RBM44: variants seen among roughly 807,000 people sequenced by gnomAD.
The protein encoded by RBM44 is RNA binding motif protein 44, also known as RNA-binding protein 44.
Under a neutral mutation model 105.1 loss-of-function variants are expected in RBM44, and 66 were observed. The observed-to-expected ratio is 0.63, with a 90% CI of 0.52 to 0.77. RBM44 has a LOEUF of 0.77. Ranked by LOEUF, RBM44 falls within the 30% of genes least tolerant of loss-of-function variation. The pLI, the probability that RBM44 is intolerant of heterozygous loss-of-function variation, is 0.00. For missense variants in RBM44, 1,122 were observed against 1,207.8 expected, an observed-to-expected ratio of 0.93 and a Z score of 1.05; for synonymous variants, 365 against 417.6, an observed-to-expected ratio of 0.87 and a Z score of 1.54.
chr2:237,813,464 C>G (rs1021926431), intron 1 of RBM44, 128 bp from the exon 2 acceptor site: 2 of 537,614 alleles, frequency 3.7e-6, no homozygotes, highest in Admixed American at 3.4e-5. Context: ...TTTTAGTGAC[C>G]TAATGCATTG....
chr2:237,817,567 T>C lies in RBM44; in HGVS notation c.648T>C (p.Val216=), dbSNP rs1327525434. ...TKALDISNPE[V]VELGNSGYEV... is the part of the protein sequence containing the mutation. ...CATTAGATATATCTAATCCAGAAGT[T>C]GTTGAATTAGGAAATTCGGGTTATG... The change falls in exon 3 of 16, where the codon GTT becomes GTC. Residue 216 remains valine (V), a synonymous_variant. Coordinates refer to ENST00000316997, the MANE Select transcript of RBM44 (RefSeq NM_001080504.3). 6.2e-7 allele frequency: 1 copy of C among 1,612,436 alleles called. No individual in the cohort carries two copies. Among genetic ancestry groups the C allele is most frequent in the Non-Finnish European group, 8.5e-7 (1 of 1,179,232 alleles).
intron 13 of RBM44, among the ~76,000 whole-genome samples, chr2:237,830,507 T>C (rs747964273): frequency 1.3e-5 from 2 of 152,164 alleles, no homozygotes; most frequent in Non-Finnish European, 1.5e-5. Flanking sequence ...GCTTTTAGTG[T>C]TGAAGCTAAG....
At chr2:237,823,973 T>C (rs1318412330) in intron 9 of RBM44, among the ~76,000 whole-genome samples, 1 of 152,182 alleles carries the variant, frequency 6.6e-6, no homozygotes, top group East Asian at 1.9e-4. Flanking sequence ...ATAAAGATAA[T>C]ATGTCTTTTT....
At chr2:237,823,897 TTGTAA>T (rs1335753296) in intron 9 of RBM44, among the ~76,000 whole-genome samples, 13 of 152,198 alleles carry the variant, frequency 8.5e-5, no homozygotes. Context: ...ATTAATTTAA[TTGTAA>T]TGAAATAAAG....
intron 10 of RBM44, among the ~76,000 whole-genome samples, chr2:237,825,641 G>A (rs998590474): frequency 1.6e-4 from 24 of 152,162 alleles, no homozygotes; most frequent in Admixed American, 2.0e-4. Flanking sequence ...GTGAGCTCAG[G>A]GATTTTTATG....
Position 237,829,235 on chromosome 2 carries a change from T to A in RBM44, c.2619T>A (p.Phe873Leu). The change falls in exon 13 of 16, where the codon TTT becomes TTA. Residue 873 changes from phenylalanine to leucine, a missense_variant. By Grantham distance (22) the Phe-to-Leu change is conservative (BLOSUM62 0). Coordinates refer to ENST00000316997, the MANE Select transcript of RBM44 (RefSeq NM_001080504.3). ...GTTTTAGATATGCATCTCTTGCTTT[T>A]ACAAAAAACAGCGATGCAAAGATAG... The part of the protein sequence containing the change: ...STNYRYASLA[F>L]TKNSDAKIAV... The A allele has an allele frequency of 1.9e-6, 3 of 1,609,978 alleles. No homozygotes were observed. Among genetic ancestry groups the A allele is most frequent in the Non-Finnish European group, 2.5e-6 (3 of 1,178,098 alleles).
chr2:237,814,166 T>C (rs1395090281), intron 2 of RBM44, among the ~76,000 whole-genome samples: 1 of 152,120 alleles, frequency 6.6e-6, no homozygotes, highest in Non-Finnish European at 1.5e-5. Context: ...ATATTCTAGA[T>C]TAAAACAAAA....
At chr2:237,823,158 T>A (rs1363741626) in intron 8 of RBM44, among the ~76,000 whole-genome samples, 1 of 151,914 alleles carries the variant, frequency 6.6e-6, no homozygotes, top group African/African-American at 2.4e-5. Context: ...TTATCTCGAT[T>A]ACTTCTCATG....
intron 13 of RBM44, among the ~76,000 whole-genome samples, chr2:237,830,564 A>G (rs555338541): frequency 2.6e-5 from 4 of 152,226 alleles, no homozygotes; most frequent in South Asian, 2.1e-4. Context: ...GTTAATTTTT[A>G]TATATTGTTT....
chr2:237,828,269 T>C lies in RBM44; in HGVS notation c.2600+766T>C, dbSNP rs565616072. On this transcript the variant is annotated intron_variant, in intron 12 of 15. Coordinates refer to ENST00000316997, the MANE Select transcript of RBM44 (RefSeq NM_001080504.3). ...CTGTTTATTTCAGATATAAAATTTTTATCAATTAAGAAAGGATCCTGTTTG... is the reference window on the plus strand; with the variant it reads ...CTGTTTATTTCAGATATAAAATTTTCATCAATTAAGAAAGGATCCTGTTTG... Among the ~76,000 whole-genome samples, 3 of 152,280 alleles carry C rather than the reference T, an allele frequency of 2.0e-5. No homozygotes were observed. The South Asian group carries it at 6.2e-4, about 32-fold the overall frequency.
At chr2:237,823,743 G>A (rs2150983148) in intron 9 of RBM44, among the ~76,000 whole-genome samples, 189 bp downstream of exon 9, 1 of 152,190 alleles carries the variant, frequency 6.6e-6, no homozygotes, top group African/African-American at 2.4e-5. Context: ...TAATATAGCT[G>A]ACAATGCTAA....
chr2:237,824,839 T>A (rs2150983966), intron 10 of RBM44, among the ~76,000 whole-genome samples: 1 of 152,308 alleles, frequency 6.6e-6, no homozygotes, highest in South Asian at 2.1e-4. Flanking sequence ...ATTTTAGGGA[T>A]GTTTTCATTT....
rs575963850 is a variant in RBM44, at chr2:237,799,817, A to G, written c.-19+956A>G. ...AGAAAGATTATTCTGGCCAGATGTG[A>G]GGTGATTGTCTGCATAGCTGTGAGA... On this transcript the variant is annotated intron_variant, in intron 1 of 15. Transcript: ENST00000316997. 1.7e-4 allele frequency among the ~76,000 whole-genome samples: 26 copies of G among 152,242 alleles called. No individual in the cohort carries two copies. The South Asian group carries it at 5.2e-3, about 30-fold the overall frequency.
chr2:237,824,721 G>A (rs774354993), intron 10 of RBM44, among the ~76,000 whole-genome samples: 10 of 152,066 alleles, frequency 6.6e-5, no homozygotes, highest in African/African-American at 1.4e-4. Flanking sequence ...TTCCAGGCAC[G>A]GGTACATGGT....
In RBM44 at chr2:237,829,236, A is replaced by G. The variant is rs748636278; in HGVS notation, c.2620A>G (p.Thr874Ala). 2 of 1,609,750 alleles carry G rather than the reference A, an allele frequency of 1.2e-6. No individual in the cohort carries two copies. Among genetic ancestry groups the G allele is most frequent in the South Asian group, 2.2e-5 (2 of 90,462 alleles). ...TTTTAGATATGCATCTCTTGCTTTTACAAAAAACAGCGATGCAAAGATAGC... is the reference window on the plus strand; with the variant it reads ...TTTTAGATATGCATCTCTTGCTTTTGCAAAAAACAGCGATGCAAAGATAGC... Reference protein sequence around the residue: ...TNYRYASLAFTKNSDAKIAVK... With the variant: ...TNYRYASLAFAKNSDAKIAVK... The change falls in exon 13 of 16, where the codon ACA becomes GCA. Residue 874 changes from threonine (T) to alanine (A), a missense_variant. Thr to Ala is a moderately conservative substitution (Grantham distance 58). Transcript: ENST00000316997.
intron 1 of RBM44, among the ~76,000 whole-genome samples, chr2:237,812,661 T>C (rs989406571): frequency 2.6e-5 from 4 of 152,114 alleles, no homozygotes; most frequent in African/African-American, 9.7e-5. Context: ...TTTGTAACAC[T>C]TGATTAACAG....
chr2:237,837,275 G>A (rs560135882), intron 15 of RBM44, among the ~76,000 whole-genome samples: 1 of 152,264 alleles, frequency 6.6e-6, no homozygotes, highest in Non-Finnish European at 1.5e-5. Flanking sequence ...GGATCAAGGA[G>A]TAATTTTGAC....
chr2:237,824,538 C>G, intron 10 of RBM44, 119 bp downstream of exon 10: 2 of 777,288 alleles, frequency 2.6e-6, no homozygotes, highest in African/African-American at 1.8e-5. Flanking sequence ...CCTGTTTTGG[C>G]TTTTCTTTAT....
intron 1 of RBM44, among the ~76,000 whole-genome samples, chr2:237,804,687 G>T (rs1314543012): frequency 6.6e-6 from 1 of 152,104 alleles, no homozygotes; most frequent in African/African-American, 2.4e-5. Flanking sequence ...CTGGATATTA[G>T]GCCAGAATCT....
Sources: gnomAD v4.1 joint callset for allele counts (sites outside exome capture counted in the v4.1 genomes callset) on GRCh38, gnomAD v4.1.1 for gene constraint, MANE v1.5 for transcripts, NCBI Gene and HGNC (gene_info 2026-07-23, HGNC 2026-07-21) for gene names.